Variants in KCNC2 observed in about 807,000 individuals in gnomAD.
The protein encoded by KCNC2 is voltage-gated potassium channel KCNC2.
Under a neutral mutation model 44.5 loss-of-function variants are expected in KCNC2, and 21 were observed. The observed-to-expected ratio is 0.47, with a 90% confidence interval of 0.33 to 0.68. KCNC2 has a LOEUF of 0.68. KCNC2 is among the 30% of genes least tolerant of loss of function. The probability of loss-of-function intolerance (pLI) is 0.01; values close to 1 mark genes in which losing one functional copy is unlikely to be tolerated. For missense variants in KCNC2, 589 were observed against 826.2 expected (o/e 0.71, Z 3.52); for synonymous variants, 391 against 339.1 (o/e 1.15, Z -1.68).
intron 2 of KCNC2, among the ~76,000 whole-genome samples, chr12:75,200,021 T>C (rs916451889): frequency 3.3e-5 from 5 of 151,650 alleles, no homozygotes; most frequent in East Asian, 1.9e-4. Context: ...GTAAAACTAG[T>C]GGGGAAGGTA....
chr12:75,123,563 T>C (rs1164448004), intron 2 of KCNC2, among the ~76,000 whole-genome samples: 1 of 152,170 alleles, frequency 6.6e-6, no homozygotes, highest in East Asian at 1.9e-4. Flanking sequence ...TAGAGCAACA[T>C]CCTCTCTCCT....
chr12:75,144,095 G>GA (rs553781443), intron 2 of KCNC2, among the ~76,000 whole-genome samples: 7 of 151,968 alleles, frequency 4.6e-5, no homozygotes, highest in Non-Finnish European at 8.8e-5. Flanking sequence ...ACCAAAAGGG[G>GA]AAAAAAGCAG....
chr12:75,204,459 A>G (rs1347113718), intron 2 of KCNC2, among the ~76,000 whole-genome samples: 1 of 152,088 alleles, frequency 6.6e-6, no homozygotes, highest in Non-Finnish European at 1.5e-5. Context: ...TGGAGAAAAA[A>G]GAAAATTGTG....
rs555924316 is a variant in KCNC2 at position 75,053,726 on chromosome 12, A to G, written c.688-2409T>C. Among the ~76,000 whole-genome samples the G allele has an allele frequency of 3.6e-3, 536 of 148,166 alleles. 2 individuals are homozygous for G. The highest frequency in any genetic ancestry group is 0.013 in the African/African-American group (512 of 40,866). ...CAAATATTCTTTTTATTTTCCTATT[A>G]TAGTAATATTTTGCTATAATATATA... On this transcript the variant is annotated intron_variant, in intron 2 of 4. Transcript: ENST00000549446.
intron 2 of KCNC2, among the ~76,000 whole-genome samples, chr12:75,195,198 A>G (rs773524034): frequency 4.6e-5 from 7 of 152,118 alleles, no homozygotes; most frequent in Non-Finnish European, 8.8e-5. Flanking sequence ...TAAAGCCTGT[A>G]TTTCTTGTAC....
At chr12:75,066,444 T>C (rs1420142693) in intron 2 of KCNC2, among the ~76,000 whole-genome samples, 1 of 152,200 alleles carries the variant, frequency 6.6e-6, no homozygotes, top group African/African-American at 2.4e-5. Flanking sequence ...TTGGCTATAA[T>C]TGCTGTTCAT....
intron 2 of KCNC2, among the ~76,000 whole-genome samples, chr12:75,061,418 T>C (rs1882310737): frequency 6.6e-6 from 1 of 152,044 alleles, no homozygotes; most frequent in African/African-American, 2.4e-5. Flanking sequence ...CAATTTATGC[T>C]GAATTCAGAG....
At chr12:75,086,681 AATATAT>A in intron 2 of KCNC2, among the ~76,000 whole-genome samples, 1 of 54,208 alleles carries the variant, frequency 1.8e-5, no homozygotes, top group African/African-American at 7.8e-5. Flanking sequence ...AAAAAAAAAA[AATATAT>A]ATATATATAT....
At chr12:75,128,273 C>A (rs192555097) in intron 2 of KCNC2, among the ~76,000 whole-genome samples, 1 of 152,202 alleles carries the variant, frequency 6.6e-6, no homozygotes, top group Admixed American at 6.5e-5. Context: ...TCCCCATATG[C>A]TTTAAAAACC....
intron 2 of KCNC2, among the ~76,000 whole-genome samples, chr12:75,122,276 C>T (rs1428126665): frequency 6.6e-6 from 1 of 152,202 alleles, no homozygotes; most frequent in Non-Finnish European, 1.5e-5. Flanking sequence ...CAAAATTGGC[C>T]ATTCAAATAT....
chr12:75,192,235 G>A (rs533060148), intron 2 of KCNC2, among the ~76,000 whole-genome samples: 1 of 152,174 alleles, frequency 6.6e-6, no homozygotes, highest in South Asian at 2.1e-4. Flanking sequence ...CCTTGCTGCC[G>A]CAACATCCAT....
In KCNC2 at chr12:75,108,167, C is replaced by A. The variant is rs1344261028; in HGVS notation, c.688-56850G>T. 3.3e-5 allele frequency among the ~76,000 whole-genome samples: 5 copies of A among 152,098 alleles called. No homozygotes were observed. In the South Asian group the frequency reaches 8.3e-4, roughly 25 times the overall value. ...CCTTCCACTTTATGAAATGAACTCT[C>A]CAAAGCTAACTAAATAGATCCAAGA... On this transcript the variant is annotated intron_variant, in intron 2 of 4. Coordinates refer to ENST00000549446, the MANE Select transcript of KCNC2 (RefSeq NM_139137.4).
intron 2 of KCNC2, among the ~76,000 whole-genome samples, chr12:75,163,715 T>G (rs1191601814): frequency 6.6e-6 from 1 of 151,776 alleles, no homozygotes; most frequent in African/African-American, 2.4e-5. Context: ...AACACTACAC[T>G]TGGAGACTGA....
At chr12:75,069,808 T>C (rs1883217537) in intron 2 of KCNC2, among the ~76,000 whole-genome samples, 1 of 152,164 alleles carries the variant, frequency 6.6e-6, no homozygotes, top group African/African-American at 2.4e-5. Context: ...ATTGTCCCCA[T>C]GCCCCAGCTA....
intron 2 of KCNC2, among the ~76,000 whole-genome samples, chr12:75,160,357 G>T (rs1192253867): frequency 6.6e-6 from 1 of 151,648 alleles, no homozygotes; most frequent in East Asian, 1.9e-4. Flanking sequence ...TATGTTATTT[G>T]ATCTATCAAG....
At chr12:75,143,335 A>G (rs1209317014) in intron 2 of KCNC2, among the ~76,000 whole-genome samples, 1 of 152,170 alleles carries the variant, frequency 6.6e-6, no homozygotes, top group African/African-American at 2.4e-5. Context: ...CTGCCCATCC[A>G]GAAACAGAAT....
intron 2 of KCNC2, among the ~76,000 whole-genome samples, chr12:75,076,328 A>T (rs1404148392): frequency 7.5e-6 from 1 of 133,708 alleles, no homozygotes; most frequent in African/African-American, 2.5e-5. Flanking sequence ...TCGCCCATGC[A>T]GTAGCGCGAT....
At chr12:75,044,783 A>T (rs1038434599) in intron 4 of KCNC2, 6 of 152,006 alleles carry the variant, frequency 3.9e-5, no homozygotes, top group African/African-American at 1.4e-4. Context: ...AATTTATGTC[A>T]TCCATTAACT....
At position 75,042,572 on chromosome 12, in the gene KCNC2, T is replaced by C. The variant is rs1880032102; in HGVS notation, c.*533A>G. ...GACCAATGCTTTCATATCAGCAGGATGGTTCGATGCAAGTACACATATCCT... is the reference window on the plus strand; with the variant it reads ...GACCAATGCTTTCATATCAGCAGGACGGTTCGATGCAAGTACACATATCCT... On this transcript the variant is annotated 3_prime_UTR_variant, in exon 5 of 5. Coordinates refer to ENST00000549446, the MANE Select transcript of KCNC2 (RefSeq NM_139137.4). 4 of 1,381,286 alleles carry C rather than the reference T, an allele frequency of 2.9e-6. No individual in the cohort carries two copies. The highest frequency in any genetic ancestry group is 3.0e-5 in the Admixed American group (1 of 32,934). 85.6% of individuals were successfully genotyped at this position (1,381,286 alleles called of 1,614,324 possible). A position where few individuals can be genotyped will look rare whatever the true frequency, so the allele number is the denominator to read the frequency against.
Sources: allele counts gnomAD v4.1 joint callset (sites outside exome capture counted in the v4.1 genomes callset), GRCh38; gene constraint gnomAD v4.1.1; transcripts MANE v1.5; gene names NCBI Gene and HGNC (gene_info 2026-07-23, HGNC 2026-07-21).